Variants in FRMD4A observed in about 807,000 individuals in gnomAD.
FRMD4A encodes FERM domain-containing protein 4A.
Under a neutral mutation model 129.1 loss-of-function variants are expected in FRMD4A, and 29 were observed. The observed-to-expected ratio is 0.22, with a 90% CI of 0.17 to 0.31. The LOEUF is 0.31. Among genes scored for constraint, FRMD4A ranks in the 10% least tolerant of loss-of-function variants. The probability of loss-of-function intolerance (pLI) is 1.00; values close to 1 mark genes in which losing one functional copy is unlikely to be tolerated. For missense variants in FRMD4A, 1,272 were observed against 1,375.8 expected (o/e 0.92, Z 1.19); for synonymous variants, 634 against 571.6 (o/e 1.11, Z -1.56).
At chr10:14,171,555 T>G (rs1841477946) in intron 2 of FRMD4A, among the ~76,000 whole-genome samples, 1 of 152,236 alleles carries the variant, frequency 6.6e-6, no homozygotes, top group South Asian at 2.1e-4. Flanking sequence ...TGCAACTGCC[T>G]TAATTTCAAT....
intron 3 of FRMD4A, among the ~76,000 whole-genome samples, chr10:13,849,131 A>G (rs904431537): frequency 2.0e-5 from 3 of 152,156 alleles, no homozygotes; most frequent in Admixed American, 6.5e-5. Flanking sequence ...GGTCAGCCCA[A>G]AGTGGGGCTG....
chr10:13,789,628 T>C lies in FRMD4A; in HGVS notation c.300-6622A>G, dbSNP rs947228310. 3.6e-4 allele frequency among the ~76,000 whole-genome samples: 55 copies of C among 151,740 alleles called. No individual in the cohort carries two copies. In the East Asian group the frequency reaches 5.4e-3, roughly 15 times the overall value. ...CCTTGGGTTGTGTATATTTTCCTTA[T>C]ATTTTTTTCTTGACCTATTTCTAAA... is the stretch of plus-strand genomic sequence containing the variant. On this transcript the variant is annotated intron_variant, in intron 5 of 24. Coordinates refer to ENST00000357447, the MANE Select transcript of FRMD4A (RefSeq NM_018027.5).
chr10:14,227,145 C>A (rs533087538), intron 2 of FRMD4A, among the ~76,000 whole-genome samples: 2 of 151,822 alleles, frequency 1.3e-5, no homozygotes, highest in Admixed American at 1.3e-4. Context: ...GGCACTTGGG[C>A]ATGCTCTTCC....
At chr10:14,020,377 A>G (rs79178649) in intron 2 of FRMD4A, among the ~76,000 whole-genome samples, 2,242 of 152,286 alleles carry the variant, frequency 0.015, 37 homozygotes, top group East Asian at 0.082. Flanking sequence ...AGAAGTGTCA[A>G]TATGGAAACA....
chr10:13,845,352 G>A (rs180751265), intron 3 of FRMD4A, among the ~76,000 whole-genome samples: 1 of 152,204 alleles, frequency 6.6e-6, no homozygotes, highest in South Asian at 2.1e-4. Context: ...GATCTGGAAG[G>A]TTGGGCAGTT....
intron 18 of FRMD4A, 28 bp from the exon 19 acceptor site, chr10:13,663,537 G>A (rs752673096): frequency 5.8e-6 from 7 of 1,207,814 alleles, no homozygotes; most frequent in South Asian, 4.8e-5. Context: ...AATAGCCTAT[G>A]AGTTCAGCAC....
At chr10:13,926,233 C>CAA (rs1427144168) in intron 2 of FRMD4A, among the ~76,000 whole-genome samples, 1 of 152,128 alleles carries the variant, frequency 6.6e-6, no homozygotes, top group Non-Finnish European at 1.5e-5. Flanking sequence ...CTGCCCTGGC[C>CAA]AACTGTGAAC....
intron 2 of FRMD4A, among the ~76,000 whole-genome samples, chr10:14,000,102 T>C (rs2095636300): frequency 6.6e-6 from 1 of 152,282 alleles, no homozygotes; most frequent in Non-Finnish European, 1.5e-5. Flanking sequence ...CAAAAAAGAA[T>C]TAAAAATCCG....
intron 2 of FRMD4A, among the ~76,000 whole-genome samples, chr10:14,216,024 G>T (rs975096320): frequency 2.6e-5 from 4 of 152,088 alleles, no homozygotes; most frequent in Non-Finnish European, 5.9e-5. Flanking sequence ...ATCTCCATGG[G>T]GGAAAGAAGT....
chr10:14,293,493 T>C lies in FRMD4A; in HGVS notation c.45+36565A>G, dbSNP rs146214148. Among the ~76,000 whole-genome samples the C allele has an allele frequency of 8.2e-4, 125 of 152,260 alleles. 1 individual carries two copies. Among genetic ancestry groups the C allele is most frequent in the African/African-American group, 2.8e-3 (118 of 41,558 alleles). On this transcript the variant is annotated intron_variant, in intron 2 of 24. Transcript: ENST00000357447. The stretch of plus-strand genomic sequence containing the variant: ...GAGTTTACAAAAGAGTAAATGCAAA[T>C]GTCCTATGAACAAAAATGTTGTACT...
At chr10:14,189,605 A>G (rs923230736) in intron 2 of FRMD4A, among the ~76,000 whole-genome samples, 1 of 152,138 alleles carries the variant, frequency 6.6e-6, no homozygotes, top group African/African-American at 2.4e-5. Flanking sequence ...AAGATAATGA[A>G]TATTTACAGA....
chr10:13,838,252 A>T (rs979279503), intron 3 of FRMD4A, among the ~76,000 whole-genome samples: 6 of 126,002 alleles, frequency 4.8e-5, no homozygotes, highest in Non-Finnish European at 6.6e-5. Context: ...TGCAGAGCTA[A>T]TTTTTTTTTT....
intron 2 of FRMD4A, among the ~76,000 whole-genome samples, chr10:14,062,355 G>A (rs760637828): frequency 1.3e-5 from 2 of 152,192 alleles, no homozygotes; most frequent in African/African-American, 4.8e-5. Flanking sequence ...TGCACGGAAG[G>A]CTATTCTCCA....
intron 2 of FRMD4A, among the ~76,000 whole-genome samples, chr10:14,146,668 T>G (rs1407751935): frequency 6.6e-6 from 1 of 152,184 alleles, no homozygotes; most frequent in Non-Finnish European, 1.5e-5. Flanking sequence ...CACTAATGAC[T>G]CAACACGGCA....
chr10:14,135,234 T>A (rs1023548667), intron 2 of FRMD4A, among the ~76,000 whole-genome samples: 3 of 152,348 alleles, frequency 2.0e-5, no homozygotes, highest in Middle Eastern at 3.4e-3. Context: ...GGATGAACTG[T>A]AACCTAGCTT....
intron 2 of FRMD4A, among the ~76,000 whole-genome samples, chr10:13,960,098 G>A (rs993581370): frequency 1.3e-5 from 2 of 152,130 alleles, no homozygotes; most frequent in African/African-American, 4.8e-5. Flanking sequence ...TAGATTTCTA[G>A]GAACCACTAT....
rs1272533307 is a variant in FRMD4A, at chr10:13,656,840, TGTC to T, written c.2746_2748del (p.Asp916del). The T allele has an allele frequency of 2.6e-6, 4 of 1,521,358 alleles. No homozygotes were observed. The highest frequency in any genetic ancestry group is 1.2e-5 in the South Asian group (1 of 80,072). 94.2% of individuals were successfully genotyped at this position (1,521,358 alleles called of 1,614,324 possible). On this transcript the variant is annotated inframe_deletion, in exon 22 of 25. Coordinates refer to ENST00000357447, the MANE Select transcript of FRMD4A (RefSeq NM_018027.5). Reference sequence around the variant, plus strand: ...GAGACGGCGGCACGGCCCGCGCCCTTGTCGTGGGCGCCCTCGCGGCCCAGCGAC... The same window carrying T: ...GAGACGGCGGCACGGCCCGCGCCCTTGTGGGCGCCCTCGCGGCCCAGCGAC...
chr10:13,979,033 C>T (rs932723668), intron 2 of FRMD4A, among the ~76,000 whole-genome samples: 4 of 152,128 alleles, frequency 2.6e-5, no homozygotes, highest in African/African-American at 4.8e-5. Flanking sequence ...AAACCAGAGC[C>T]GCCTGAATTA....
chr10:13,807,744 GAA>G (rs1436093425), intron 4 of FRMD4A, among the ~76,000 whole-genome samples: 2 of 151,090 alleles, frequency 1.3e-5, no homozygotes, highest in Non-Finnish European at 2.9e-5. Flanking sequence ...AGTTAATTCT[GAA>G]AGAGTCTCTG....
Sources: allele counts gnomAD v4.1 joint callset (sites outside exome capture counted in the v4.1 genomes callset), GRCh38; gene constraint gnomAD v4.1.1; transcripts MANE v1.5; gene names NCBI Gene and HGNC (gene_info 2026-07-23, HGNC 2026-07-21).